The following GAP43 variants were observed in gnomAD, a reference collection of about 807,000 sequenced individuals.
The protein encoded by GAP43 is growth associated protein 43.
A neutral mutation model predicts 18.6 loss-of-function variants in GAP43; 6 were observed. The observed-to-expected ratio is 0.32, with a 90% CI of 0.18 to 0.64. The LOEUF (loss-of-function observed/expected upper bound fraction) is 0.64. Among genes scored for constraint, GAP43 ranks in the 30% least tolerant of loss-of-function variants. GAP43 has a pLI of 0.78. For missense variants in GAP43, 292 were observed against 295.5 expected, an observed-to-expected ratio of 0.99 and a Z score of 0.09; for synonymous variants, 115 against 111.4, an observed-to-expected ratio of 1.03 and a Z score of -0.20.
intron 2 of GAP43, among the ~76,000 whole-genome samples, chr3:115,684,804 G>T (rs1709013452): frequency 6.6e-6 from 1 of 152,148 alleles, no homozygotes; most frequent in African/African-American, 2.4e-5. Flanking sequence ...CTAATTAGGG[G>T]AACATTATCC....
At chr3:115,675,898 C>A in intron 1 of GAP43, 115 bp from the exon 2 acceptor site, 1 of 1,445,338 alleles carries the variant, frequency 6.9e-7, no homozygotes. Flanking sequence ...TTCTTAACTC[C>A]AAAAACAGTG....
intron 1 of GAP43, among the ~76,000 whole-genome samples, chr3:115,626,822 A>T (rs1708193275): frequency 6.6e-6 from 1 of 152,024 alleles, no homozygotes; most frequent in Admixed American, 6.6e-5. Context: ...CTTATCTCTG[A>T]GAGTGTGATC....
chr3:115,701,298 C>T (rs1038398526), intron 2 of GAP43, among the ~76,000 whole-genome samples: 7 of 152,188 alleles, frequency 4.6e-5, no homozygotes, highest in Admixed American at 3.3e-4. Context: ...ATCCTCTGAG[C>T]CCCTCTGTGA....
At chr3:115,698,237 A>T (rs1442620596) in intron 2 of GAP43, among the ~76,000 whole-genome samples, 4 of 36,638 alleles carry the variant, frequency 1.1e-4, no homozygotes, top group South Asian at 7.1e-4. Context: ...AATATATATA[A>T]AATATATATA....
intron 2 of GAP43, among the ~76,000 whole-genome samples, chr3:115,704,373 G>A (rs1473009908): frequency 6.6e-6 from 1 of 151,924 alleles, no homozygotes; most frequent in East Asian, 1.9e-4. Context: ...TAACTCTTAT[G>A]CCATTTTGCC....
At chr3:115,719,455 T>A (rs976705553) in intron 2 of GAP43, among the ~76,000 whole-genome samples, 13 of 152,150 alleles carry the variant, frequency 8.5e-5, no homozygotes, top group Non-Finnish European at 1.2e-4. Context: ...ATGCTGAACA[T>A]CTATTTTTCT....
At chr3:115,690,749 C>A (rs199896318) in intron 2 of GAP43, among the ~76,000 whole-genome samples, 1 of 123,472 alleles carries the variant, frequency 8.1e-6, no homozygotes. Context: ...TTTTTTTTTT[C>A]TTTCTTTCTT....
chr3:115,669,517 A>G (rs1708783234), intron 1 of GAP43, among the ~76,000 whole-genome samples: 1 of 152,214 alleles, frequency 6.6e-6, no homozygotes, highest in Admixed American at 6.5e-5. Context: ...GGTACTTCTC[A>G]AAGGCTGACT....
At chr3:115,696,449 G>C (rs1215301963) in intron 2 of GAP43, among the ~76,000 whole-genome samples, 1 of 151,766 alleles carries the variant, frequency 6.6e-6, no homozygotes, top group Non-Finnish European at 1.5e-5. Flanking sequence ...CAAAAGTCAA[G>C]TCCTTAAAGT....
At position 115,676,620 on chromosome 3, in the gene GAP43, C is replaced by A. The variant is rs759629862; in HGVS notation, c.628+10C>A. 6.4e-7 allele frequency: 1 copy of A among 1,562,764 alleles called. No homozygotes were observed. On this transcript the variant is annotated intron_variant, in intron 2 of 2. Transcript: ENST00000305124. ...GCTGAAGAGAACATAGGTGAGCAAC[C>A]GCGAGGGTCAGATGCAATGGGTGGA...
chr3:115,676,404 A>C lies in GAP43; in HGVS notation c.422A>C (p.Glu141Ala), dbSNP rs1196701645. 2 of 1,613,814 alleles carry C rather than the reference A, an allele frequency of 1.2e-6. No homozygotes were observed. The highest frequency in any genetic ancestry group is 1.7e-6 in the Non-Finnish European group (2 of 1,179,876). Residue 141 changes from glutamate to alanine, a missense_variant, in exon 2 of 3, where the codon GAA (glutamate) becomes GCA (alanine). Transcript: ENST00000305124. ...GAGAAGGCCGGCTCAGCTGAGACAG[A>C]AAGTGCCACTAAAGCTTCCACTGAT... ...SEEKAGSAET[E>A]SATKASTDNS...
chr3:115,709,864 T>TATATATATATATAC lies in GAP43; in HGVS notation c.629-10929_629-10928insTATATATATATACA, dbSNP rs1023390895. On this transcript the variant is annotated intron_variant, in intron 2 of 2. Coordinates refer to ENST00000305124, the MANE Select transcript of GAP43 (RefSeq NM_002045.4). Reference sequence around the variant, plus strand: ...ACATACATATATATATATATATATATACACACACATGAGCAATTGATTTTA... The same window carrying TATATATATATATAC: ...ACATACATATATATATATATATATATATATATATATATACACACACACATGAGCAATTGATTTTA... Among the ~76,000 whole-genome samples the TATATATATATATAC allele has an allele frequency of 1.8e-4, 24 of 131,060 alleles. 1 individual carries two copies. Among genetic ancestry groups the TATATATATATATAC allele is most frequent in the African/African-American group, 6.5e-4 (24 of 37,138 alleles). 86.0% of individuals were successfully genotyped at this position (131,060 alleles called of 152,430 possible).
intron 2 of GAP43, among the ~76,000 whole-genome samples, chr3:115,690,905 G>A (rs550210089): frequency 1.3e-5 from 2 of 151,784 alleles, no homozygotes; most frequent in East Asian, 3.9e-4. Flanking sequence ...ACAGGCACCC[G>A]CCACCATGCC....
At chr3:115,701,192 G>A (rs1709292947) in intron 2 of GAP43, among the ~76,000 whole-genome samples, 1 of 151,994 alleles carries the variant, frequency 6.6e-6, no homozygotes, top group Admixed American at 6.6e-5. Context: ...GTCTACCTTG[G>A]GAACAGAATG....
At chr3:115,665,856 A>G (rs1708725419) in intron 1 of GAP43, among the ~76,000 whole-genome samples, 2 of 152,144 alleles carry the variant, frequency 1.3e-5, no homozygotes, top group South Asian at 4.1e-4. Context: ...AACTTTTATC[A>G]GGCTTGAGTA....
chr3:115,627,611 C>T (rs939065653), intron 1 of GAP43, among the ~76,000 whole-genome samples: 4 of 152,062 alleles, frequency 2.6e-5, no homozygotes, highest in Admixed American at 6.6e-5. Context: ...ATTAACCAAT[C>T]GTATTGATAA....
At chr3:115,709,582 G>A (rs111538665) in intron 2 of GAP43, among the ~76,000 whole-genome samples, 2,367 of 152,198 alleles carry the variant, frequency 0.016, 29 homozygotes, top group Non-Finnish European at 0.023. Context: ...TAAATTGATC[G>A]TGTTCTAAAA....
chr3:115,631,619 A>G (rs1351664124), intron 1 of GAP43, among the ~76,000 whole-genome samples: 1 of 152,024 alleles, frequency 6.6e-6, no homozygotes, highest in East Asian at 1.9e-4. Context: ...TACAGAGTAA[A>G]TTTTTTGTTT....
intron 1 of GAP43, among the ~76,000 whole-genome samples, chr3:115,672,446 A>C (rs549166956): frequency 5.3e-5 from 8 of 152,162 alleles, no homozygotes; most frequent in Non-Finnish European, 7.4e-5. Flanking sequence ...AAAATACACA[A>C]CAAAATACAC....
Sources: gnomAD v4.1 joint callset for allele counts (sites outside exome capture counted in the v4.1 genomes callset) on GRCh38, gnomAD v4.1.1 for gene constraint, MANE v1.5 for transcripts, NCBI Gene and HGNC (gene_info 2026-07-23, HGNC 2026-07-21) for gene names.